Variants in CACNA2D3 observed in about 807,000 individuals in gnomAD.
CACNA2D3 encodes the protein voltage-dependent calcium channel subunit alpha-2/delta-3.
CACNA2D3 carries 60 observed loss-of-function variants against 160.6 expected under a neutral mutation model. That is an observed-to-expected ratio of 0.37 (90% CI 0.30 to 0.46). The LOEUF is 0.46. Among genes scored for constraint, CACNA2D3 ranks in the 20% least tolerant of loss-of-function variants. The pLI, the probability that CACNA2D3 is intolerant of heterozygous loss-of-function variation, is 1.00. For synonymous variants in CACNA2D3, 558 were observed against 492.9 expected (o/e 1.13, Z -1.75); for missense variants, 1,205 against 1,365.0 (o/e 0.88, Z 1.85).
intron 4 of CACNA2D3, among the ~76,000 whole-genome samples, chr3:54,453,149 AC>A (rs1700337930): frequency 1.3e-5 from 2 of 151,846 alleles, no homozygotes. Context: ...GCACCACCAC[AC>A]CCAGCTAATT....
intron 4 of CACNA2D3, among the ~76,000 whole-genome samples, chr3:54,458,931 C>A (rs1179451980): frequency 6.6e-6 from 1 of 152,020 alleles, no homozygotes; most frequent in African/African-American, 2.4e-5. Flanking sequence ...ACTTCCCCCA[C>A]CCCACAACAG....
chr3:54,150,133 A>G (rs1271480858), intron 2 of CACNA2D3, among the ~76,000 whole-genome samples: 1 of 151,758 alleles, frequency 6.6e-6, no homozygotes, highest in African/African-American at 2.4e-5. Flanking sequence ...CCCTCCATAG[A>G]AGAAAAACCC....
At chr3:54,558,694 T>C (rs1197353523) in intron 5 of CACNA2D3, among the ~76,000 whole-genome samples, 1 of 152,208 alleles carries the variant, frequency 6.6e-6, no homozygotes, top group Non-Finnish European at 1.5e-5. Context: ...CCTCTGTTAA[T>C]TCACTCAGGA....
At chr3:54,908,131 A>T (rs937483188) in intron 27 of CACNA2D3, among the ~76,000 whole-genome samples, 1 of 152,176 alleles carries the variant, frequency 6.6e-6, no homozygotes, top group Admixed American at 6.5e-5. Context: ...AGAACTGCAA[A>T]ACTGTTTTCC....
intron 2 of CACNA2D3, among the ~76,000 whole-genome samples, chr3:54,213,394 C>G (rs998146171): frequency 1.3e-5 from 2 of 152,192 alleles, no homozygotes; most frequent in East Asian, 3.8e-4. Context: ...TTAAAGGCCA[C>G]CCCTCCTGCC....
intron 4 of CACNA2D3, among the ~76,000 whole-genome samples, chr3:54,431,621 T>A (rs1040777160): frequency 3.9e-5 from 6 of 152,146 alleles, no homozygotes; most frequent in African/African-American, 7.2e-5. Flanking sequence ...ATGGCTTTAT[T>A]TTTATTTATT....
chr3:54,364,784 G>A (rs938515222), intron 3 of CACNA2D3, among the ~76,000 whole-genome samples: 9 of 152,150 alleles, frequency 5.9e-5, no homozygotes, highest in East Asian at 1.9e-4. Flanking sequence ...GCAAAGAAGC[G>A]GAAAGAGGAA....
intron 13 of CACNA2D3, among the ~76,000 whole-genome samples, chr3:54,803,841 A>ATT (rs1703051761): frequency 1.3e-5 from 2 of 152,228 alleles, no homozygotes; most frequent in African/African-American, 2.4e-5. Context: ...AGCCCATCAG[A>ATT]CTAACAGCGG....
chr3:54,826,641 T>G (rs1559597032), intron 14 of CACNA2D3, among the ~76,000 whole-genome samples: 1 of 152,138 alleles, frequency 6.6e-6, no homozygotes, highest in Admixed American at 6.5e-5. Flanking sequence ...ATCTGTCCCT[T>G]CTTCCCAGAC....
rs542691816 is a variant in CACNA2D3 at position 54,737,094 on chromosome 3, T to C, written c.1168-15505T>C. Among the ~76,000 whole-genome samples, 5 of 152,306 alleles carry C rather than the reference T, an allele frequency of 3.3e-5. No individual in the cohort carries two copies. In the South Asian group the frequency reaches 1.0e-3, roughly 32 times the overall value. ...TGTATGCAATAACCTTATTCATTTT[T>C]GGGGTATTTGCTATGGATTAGCAGT... On this transcript the variant is annotated intron_variant, in intron 11 of 37. Transcript: ENST00000474759.
chr3:54,999,246 T>G (rs1702926913), intron 31 of CACNA2D3, among the ~76,000 whole-genome samples: 1 of 152,146 alleles, frequency 6.6e-6, no homozygotes, highest in South Asian at 2.1e-4. Flanking sequence ...GAATCTTCTA[T>G]TAGCACTCCT....
At chr3:54,320,669 T>C (rs117395094) in intron 3 of CACNA2D3, 111 bp downstream of exon 3, 1 of 547,286 alleles carries the variant, frequency 1.8e-6, no homozygotes, top group Admixed American at 3.9e-5. Context: ...ACGCATCTAT[T>C]ACGTAAATAC....
At chr3:54,152,085 A>G (rs1255536080) in intron 2 of CACNA2D3, among the ~76,000 whole-genome samples, 1 of 152,204 alleles carries the variant, frequency 6.6e-6, no homozygotes, top group African/African-American at 2.4e-5. Context: ...GGCTCTCCAG[A>G]ATGCTGATCC....
At chr3:54,637,956 G>A (rs1699416169) in intron 10 of CACNA2D3, 1 of 152,080 alleles carries the variant, frequency 6.6e-6, no homozygotes, top group African/African-American at 2.4e-5. Flanking sequence ...GTTCCTGGGG[G>A]AGGAGGTTCT....
chr3:54,670,688 T>A (rs781574709), intron 11 of CACNA2D3, among the ~76,000 whole-genome samples: 6 of 152,262 alleles, frequency 3.9e-5, no homozygotes, highest in Non-Finnish European at 5.9e-5. Flanking sequence ...TCTTTCTTCC[T>A]GTGATAGGTC....
intron 9 of CACNA2D3, among the ~76,000 whole-genome samples, chr3:54,597,572 G>C (rs571527757): frequency 6.6e-6 from 1 of 152,124 alleles, no homozygotes; most frequent in African/African-American, 2.4e-5. Context: ...TAGATTTCTT[G>C]TCCTGCTATA....
Position 54,581,787 on chromosome 3 carries a change from C to CT in CACNA2D3, c.889-10dup, listed in dbSNP as rs761798478. The CT allele has an allele frequency of 4.4e-6, 7 of 1,608,628 alleles. No homozygotes were observed. Among genetic ancestry groups the CT allele is most frequent in the Non-Finnish European group, 5.1e-6 (6 of 1,176,032 alleles). On this transcript the variant is annotated splice_polypyrimidine_tract_variant and intron_variant, in intron 8 of 37. Coordinates refer to ENST00000474759, the MANE Select transcript of CACNA2D3 (RefSeq NM_018398.3). ...TCCTTAATTAAGTGTTCCTTCTTGACTTTTTTCCTTTGCAGTATAATGAGG... is the reference window on the plus strand; with the variant it reads ...TCCTTAATTAAGTGTTCCTTCTTGACTTTTTTTCCTTTGCAGTATAATGAGG...
chr3:54,730,896 A>C (rs1701371462), intron 11 of CACNA2D3, among the ~76,000 whole-genome samples: 1 of 152,210 alleles, frequency 6.6e-6, no homozygotes, highest in East Asian at 1.9e-4. Context: ...AAACAAAATT[A>C]ATTTAAATTC....
chr3:54,923,509 C>G (rs949492480), intron 27 of CACNA2D3, among the ~76,000 whole-genome samples: 4 of 152,210 alleles, frequency 2.6e-5, no homozygotes. Context: ...CTTCCCCTGC[C>G]TCATTGTTTC....
Sources: gnomAD v4.1 joint callset for allele counts (sites outside exome capture counted in the v4.1 genomes callset) on GRCh38, gnomAD v4.1.1 for gene constraint, MANE v1.5 for transcripts, NCBI Gene and HGNC (gene_info 2026-07-23, HGNC 2026-07-21) for gene names.